The following POFUT2 variants were observed in gnomAD, a reference collection of about 807,000 sequenced individuals.
POFUT2 encodes the protein protein O-fucosyltransferase 2.
Under a neutral mutation model 55.0 loss-of-function variants are expected in POFUT2, and 30 were observed. That is an observed-to-expected ratio of 0.55 (90% CI 0.41 to 0.74). The LOEUF (loss-of-function observed/expected upper bound fraction) is 0.74. Ranked by LOEUF, POFUT2 falls within the 30% of genes least tolerant of loss-of-function variation. POFUT2 has a pLI of 0.00. For synonymous variants in POFUT2, 267 were observed against 231.1 expected (o/e 1.16, Z -1.41); for missense variants, 524 against 562.6 (o/e 0.93, Z 0.69).
intron 8 of POFUT2, chr21:45,266,069 G>A: frequency 7.9e-7 from 1 of 1,261,240 alleles, no homozygotes; most frequent in Non-Finnish European, 1.0e-6. Context: ...CTGAGGCACA[G>A]TAGACATCAC....
rs1602209038 is a variant in POFUT2 at position 45,280,145 on chromosome 21, G to A, written c.639-1976C>T. Reference sequence around the variant, plus strand: ...TGAACACGGTGCAGCCCCCACCCGGGTGGAGGAACAAGGAGGAAGAAAGCG... The same window carrying A: ...TGAACACGGTGCAGCCCCCACCCGGATGGAGGAACAAGGAGGAAGAAAGCG... On this transcript the variant is annotated intron_variant, in intron 4 of 8. Transcript: ENST00000349485. 2.0e-5 allele frequency among the ~76,000 whole-genome samples: 3 copies of A among 152,200 alleles called. No individual in the cohort carries two copies. In the South Asian group the frequency reaches 6.2e-4, roughly 32 times the overall value.
rs756897160 is a variant in POFUT2 at position 45,285,884 on chromosome 21, C to T, written c.176G>A (p.Arg59His). Reference protein sequence around the residue: ...DVNPPEGFNLRRDVYIRIASL... With the variant: ...DVNPPEGFNLHRDVYIRIASL... ...GGCGATTCGGATATAGACATCCCTG[C>T]GCAGGTTGAAGCCTTCCGGGGGGTT... The change falls in exon 2 of 9, where the codon CGC (arginine) becomes CAC (histidine). Residue 59 changes from arginine (R) to histidine (H), a missense_variant. Arg to His is a conservative substitution (Grantham distance 29). Transcript: ENST00000349485. This position sits in a 1 kb window ranked among gnomAD's most constrained non-coding sequence, Gnocchi z 4.9. The T allele has an allele frequency of 4.2e-5, 68 of 1,612,450 alleles. No individual in the cohort carries two copies. The highest frequency in any genetic ancestry group is 5.8e-5 in the Non-Finnish European group (68 of 1,179,670).
chr21:45,278,433 G>C (rs1342925340), intron 4 of POFUT2, among the ~76,000 whole-genome samples: 1 of 152,242 alleles, frequency 6.6e-6, no homozygotes, highest in African/African-American at 2.4e-5. Context: ...CTAATTTGAG[G>C]AGTGTATTTG....
At chr21:45,286,011 G>A (rs1033425840) in intron 1 of POFUT2, 83 bp from the exon 2 acceptor site, 20 of 1,278,632 alleles carry the variant, frequency 1.6e-5, no homozygotes, top group East Asian at 2.3e-5. Flanking sequence ...GTCTCAGCGC[G>A]TGGCCCGACT....
rs2093142418 is a variant in POFUT2 at position 45,265,208 on chromosome 21, A to G, written c.*274T>C. On this transcript the variant is annotated 3_prime_UTR_variant, in exon 9 of 9. Transcript: ENST00000349485. This position sits in a 1 kb window ranked among gnomAD's most constrained non-coding sequence, Gnocchi z 4.6. The stretch of plus-strand genomic sequence containing the variant: ...CCTGCTTCTGGGTCACCACGCGGGC[A>G]CTGCTGGCAACCGAGCTGTGGGTTC... 8.7e-6 allele frequency: 3 copies of G among 344,212 alleles called. No homozygotes were observed. Among genetic ancestry groups the G allele is most frequent in the Non-Finnish European group, 1.6e-5 (3 of 189,540 alleles). 21.3% of individuals were successfully genotyped at this position (344,212 alleles called of 1,614,324 possible). A position where few individuals can be genotyped will look rare whatever the true frequency, so the allele number is the denominator to read the frequency against.
At position 45,277,181 on chromosome 21, in the gene POFUT2, C is replaced by T; in HGVS notation, c.706-39G>A. ...GACGGCTCGGCTGAGAACACGCCCG[C>T]CCGCCACGCAGCCCTCCCGGAGCGG... is the stretch of plus-strand genomic sequence containing the variant. On this transcript the variant is annotated intron_variant, in intron 5 of 8. Coordinates refer to ENST00000349485, the MANE Select transcript of POFUT2 (RefSeq NM_133635.6). The surrounding 1 kb of genome is among the most constrained non-coding windows in gnomAD (Gnocchi z 6.9). 5 of 1,600,212 alleles carry T rather than the reference C, an allele frequency of 3.1e-6. No homozygotes were observed. The highest frequency in any genetic ancestry group is 4.3e-6 in the Non-Finnish European group (5 of 1,175,616).
chr21:45,278,218 T>C, intron 4 of POFUT2, 49 bp from the exon 5 acceptor site: 3 of 1,475,104 alleles, frequency 2.0e-6, no homozygotes, highest in Non-Finnish European at 9.5e-7. Context: ...TTAAGGATGA[T>C]GACATTCACA....
In POFUT2 at chr21:45,282,292, TGCACGGA is replaced by T; in HGVS notation, c.638+50_638+56del. The stretch of plus-strand genomic sequence containing the variant: ...TGGGCGGAGAGCCCCCAGCCCAGCA[TGCACGGA>T]GCAGACGCCACAGCCTCCAGGCTGC... On this transcript the variant is annotated intron_variant, in intron 4 of 8. Transcript: ENST00000349485. This position sits in a 1 kb window ranked among gnomAD's most constrained non-coding sequence, Gnocchi z 4.6. 1 of 1,114,296 alleles carries T rather than the reference TGCACGGA, an allele frequency of 9.0e-7. No individual in the cohort carries two copies. The highest frequency in any genetic ancestry group is 1.4e-6 in the Non-Finnish European group (1 of 732,192). 69.0% of individuals were successfully genotyped at this position (1,114,296 alleles called of 1,614,324 possible).
chr21:45,285,666 G>C lies in POFUT2; in HGVS notation c.382+12C>G, dbSNP rs564805361. On this transcript the variant is annotated intron_variant, in intron 2 of 8. Coordinates refer to ENST00000349485, the MANE Select transcript of POFUT2 (RefSeq NM_133635.6). The surrounding 1 kb of genome is among the most constrained non-coding windows in gnomAD (Gnocchi z 4.9). Reference sequence around the variant, plus strand: ...AGCAACCACGGCCTCCCAGCGTGCCGCTCGGCCTCACCTGCGATGAACTGC... The same window carrying C: ...AGCAACCACGGCCTCCCAGCGTGCCCCTCGGCCTCACCTGCGATGAACTGC... 2 of 1,613,396 alleles carry C rather than the reference G, an allele frequency of 1.2e-6. No individual in the cohort carries two copies. Among genetic ancestry groups the C allele is most frequent in the Admixed American group, 1.7e-5 (1 of 60,022 alleles).
At chr21:45,283,561 C>G in intron 2 of POFUT2, 34 bp from the exon 3 acceptor site, 1 of 1,610,624 alleles carries the variant, frequency 6.2e-7, no homozygotes, top group South Asian at 1.1e-5. Context: ...GGCAGTGTGA[C>G]AGCGATCAGA....
chr21:45,276,304 A>AT (rs1273377462), intron 6 of POFUT2, among the ~76,000 whole-genome samples: 3 of 152,024 alleles, frequency 2.0e-5, no homozygotes, highest in African/African-American at 4.8e-5. Context: ...AATCTTCTAT[A>AT]TTTTTTCCCC....
At position 45,267,335 on chromosome 21, in the gene POFUT2, G is replaced by A. The variant is rs991596365; in HGVS notation, c.1136+255C>T. 5.9e-6 allele frequency: 9 copies of A among 1,518,712 alleles called. No homozygotes were observed. Among genetic ancestry groups the A allele is most frequent in the Admixed American group, 2.1e-5 (1 of 47,656 alleles). The allele number at this position is 1,518,712 out of a possible 1,614,324, so 94.1% of individuals were successfully genotyped here. On this transcript the variant is annotated intron_variant, in intron 8 of 8. Coordinates refer to ENST00000349485, the MANE Select transcript of POFUT2 (RefSeq NM_133635.6). The surrounding 1 kb of genome is among the most constrained non-coding windows in gnomAD (Gnocchi z 4.4). ...GCGACACAAGAAGAGGTTCTGAGAC[G>A]AGGCCAGCTATGCCAACAGCCTGCT...
At position 45,264,122 on chromosome 21, in the gene POFUT2, C is replaced by T. The variant is rs1483875163; in HGVS notation, c.*1360G>A. 1.3e-5 allele frequency: 2 copies of T among 152,248 alleles called. No individual in the cohort carries two copies. Among genetic ancestry groups the T allele is most frequent in the African/African-American group, 4.8e-5 (2 of 41,450 alleles). 9.4% of individuals were successfully genotyped at this position (152,248 alleles called of 1,614,324 possible). ...TGAGTAACACCATAGGACCCTGTCA[C>T]ACGTTCAGGGTCAATTTTAAAAGCT... On this transcript the variant is annotated 3_prime_UTR_variant, in exon 9 of 9. Coordinates refer to ENST00000349485, the MANE Select transcript of POFUT2 (RefSeq NM_133635.6).
intron 1 of POFUT2, among the ~76,000 whole-genome samples, chr21:45,286,444 A>T (rs992696220): frequency 6.6e-6 from 1 of 152,246 alleles, no homozygotes; most frequent in Non-Finnish European, 1.5e-5. Flanking sequence ...AATTTTTGCA[A>T]ATCTCTTTTG....
At chr21:45,278,692 G>C (rs1367939239) in intron 4 of POFUT2, among the ~76,000 whole-genome samples, 1 of 152,226 alleles carries the variant, frequency 6.6e-6, no homozygotes. Flanking sequence ...CCCTTGTCCG[G>C]TGGCAAACCT....
chr21:45,273,057 TTGAAA>T (rs1261134742), intron 6 of POFUT2, among the ~76,000 whole-genome samples: 2 of 150,580 alleles, frequency 1.3e-5, no homozygotes, highest in East Asian at 3.9e-4. Flanking sequence ...CTAAATGAAA[TTGAAA>T]TGAACAGACA....
intron 3 of POFUT2, 50 bp downstream of exon 3, chr21:45,283,333 G>A (rs769138862): frequency 1.1e-5 from 14 of 1,221,874 alleles, no homozygotes; most frequent in Non-Finnish European, 1.6e-5. Context: ...GCATGCGGCA[G>A]GGGGAGGTGG....
At position 45,270,351 on chromosome 21, in the gene POFUT2, C is replaced by G. The variant is rs993554087; in HGVS notation, c.832-332G>C. On this transcript the variant is annotated intron_variant, in intron 6 of 8. Transcript: ENST00000349485. This position sits in a 1 kb window ranked among gnomAD's most constrained non-coding sequence, Gnocchi z 4.6. Reference sequence around the variant, plus strand: ...ACGTGCCACAAAGAGTTCACGGATCCTGTGGACAAAGCAGCTCACAGCTGC... The same window carrying G: ...ACGTGCCACAAAGAGTTCACGGATCGTGTGGACAAAGCAGCTCACAGCTGC... Among the ~76,000 whole-genome samples the G allele has an allele frequency of 2.6e-5, 4 of 152,106 alleles. No homozygotes were observed. The highest frequency in any genetic ancestry group is 5.9e-5 in the Non-Finnish European group (4 of 68,022).
chr21:45,264,140 T>G lies in POFUT2; in HGVS notation c.*1342A>C, dbSNP rs1227881156. 1 of 152,212 alleles carries G rather than the reference T, an allele frequency of 6.6e-6. No homozygotes were observed. Among genetic ancestry groups the G allele is most frequent in the Non-Finnish European group, 1.5e-5 (1 of 68,038 alleles). 9.4% of individuals were successfully genotyped at this position (152,212 alleles called of 1,614,324 possible). A position where few individuals can be genotyped will look rare whatever the true frequency, so the allele number is the denominator to read the frequency against. ...CCTGTCACACGTTCAGGGTCAATTT[T>G]AAAAGCTTGAGAAGACACAGCAAGG... On this transcript the variant is annotated 3_prime_UTR_variant, in exon 9 of 9. Coordinates refer to ENST00000349485, the MANE Select transcript of POFUT2 (RefSeq NM_133635.6).
Sources: gnomAD v4.1 joint callset for allele counts (sites outside exome capture counted in the v4.1 genomes callset) on GRCh38, gnomAD v4.1.1 for gene constraint, Gnocchi (gnomAD v3.1) non-coding constraint, MANE v1.5 for transcripts, NCBI Gene and HGNC (gene_info 2026-07-23, HGNC 2026-07-21) for gene names.